NUDCD3: variants seen among roughly 807,000 people sequenced by gnomAD.
NUDCD3 encodes nudC domain-containing protein 3.
In NUDCD3, 13 loss-of-function variants were observed where a neutral mutation model predicts 39.7. That is an observed-to-expected ratio of 0.33 (90% CI 0.21 to 0.52). The LOEUF is 0.52. NUDCD3 is among the 20% of genes least tolerant of loss of function. The pLI, the probability that NUDCD3 is intolerant of heterozygous loss-of-function variation, is 0.96. For missense variants in NUDCD3, 453 were observed against 458.1 expected (o/e 0.99, Z 0.10); for synonymous variants, 175 against 172.4 (o/e 1.02, Z -0.12).
chr7:44,395,892 C>T (rs1005817296), intron 4 of NUDCD3, among the ~76,000 whole-genome samples: 8 of 152,174 alleles, frequency 5.3e-5, no homozygotes, highest in African/African-American at 1.9e-4. Context: ...GATGTACATA[C>T]ATCTGTTTGA....
chr7:44,422,302 A>C (rs929185052), intron 3 of NUDCD3, among the ~76,000 whole-genome samples: 1 of 152,222 alleles, frequency 6.6e-6, no homozygotes, highest in African/African-American at 2.4e-5. Flanking sequence ...GCAGAACTGA[A>C]GGAGATAGAG....
In NUDCD3 at chr7:44,435,178, T is replaced by C. The variant is rs186513306; in HGVS notation, c.510-7475A>G. Among the ~76,000 whole-genome samples the C allele has an allele frequency of 1.9e-4, 29 of 152,334 alleles. No individual in the cohort carries two copies. In the East Asian group the frequency reaches 4.8e-3, roughly 25 times the overall value. ...TTTATCAATACCTGATTGTTATCTG[T>C]TTAGCATCTACCACACTTTGGTCTT... On this transcript the variant is annotated intron_variant, in intron 2 of 5. Transcript: ENST00000355451.
At position 44,455,207 on chromosome 7, in the gene NUDCD3, G is replaced by A. The variant is rs1245532911; in HGVS notation, c.510-27504C>T. On this transcript the variant is annotated intron_variant, in intron 2 of 5. Coordinates refer to ENST00000355451, the MANE Select transcript of NUDCD3 (RefSeq NM_015332.4). ...TTTCAGACTACATTTCCAACTGTCT[G>A]CTGGTCACTTGCACTTACATCTCAG... is the stretch of plus-strand genomic sequence containing the variant. 2.6e-5 allele frequency among the ~76,000 whole-genome samples: 4 copies of A among 151,768 alleles called. No individual in the cohort carries two copies. In the South Asian group the frequency reaches 8.3e-4, roughly 32 times the overall value.
chr7:44,455,884 G>A (rs1417217089), intron 2 of NUDCD3, among the ~76,000 whole-genome samples: 1 of 150,576 alleles, frequency 6.6e-6, no homozygotes, highest in African/African-American at 2.4e-5. Flanking sequence ...AAATTAGCCG[G>A]GCGTAGTGGC....
At position 44,486,839 on chromosome 7, in the gene NUDCD3, C is replaced by T. The variant is rs80128525; in HGVS notation, c.193-1555G>A. 8.0e-3 allele frequency among the ~76,000 whole-genome samples: 1,216 copies of T among 152,316 alleles called. 9 individuals carry two copies. The highest frequency in any genetic ancestry group is 0.027 in the African/African-American group (1,131 of 41,564). On this transcript the variant is annotated intron_variant, in intron 1 of 5. Coordinates refer to ENST00000355451, the MANE Select transcript of NUDCD3 (RefSeq NM_015332.4). ...CAGCCTTCTCTGACCTACCCATTCACACCACCAGGAAGTGCTACCACTGCC... is the reference window on the plus strand; with the variant it reads ...CAGCCTTCTCTGACCTACCCATTCATACCACCAGGAAGTGCTACCACTGCC...
Position 44,385,958 on chromosome 7 carries a change from C to G in NUDCD3, c.*53G>C. On this transcript the variant is annotated 3_prime_UTR_variant, in exon 6 of 6. Transcript: ENST00000355451. ...AATGCAGGGAGCCAAGAAGGGCAGC[C>G]GAGGATAAGGCTCTGCCTCCCCACC... 1.1e-6 allele frequency: 1 copy of G among 908,246 alleles called. No individual in the cohort carries two copies. The highest frequency in any genetic ancestry group is 1.3e-5 in the South Asian group (1 of 76,160). 56.3% of individuals were successfully genotyped at this position (908,246 alleles called of 1,614,324 possible). A position where few individuals can be genotyped will look rare whatever the true frequency, so the allele number is the denominator to read the frequency against.
At chr7:44,400,270 G>C (rs897825606) in intron 4 of NUDCD3, among the ~76,000 whole-genome samples, 1 of 152,218 alleles carries the variant, frequency 6.6e-6, no homozygotes, top group Non-Finnish European at 1.5e-5. Flanking sequence ...AAGTGTGGGA[G>C]GGAGGGAGGG....
At chr7:44,445,318 G>C (rs1473104371) in intron 2 of NUDCD3, among the ~76,000 whole-genome samples, 4 of 152,182 alleles carry the variant, frequency 2.6e-5, no homozygotes, top group Non-Finnish European at 5.9e-5. Flanking sequence ...AGTTGCCCCA[G>C]TTTCTAAAGA....
chr7:44,404,558 G>C lies in NUDCD3; in HGVS notation c.668C>G (p.Ser223Cys). 1 of 1,613,948 alleles carries C rather than the reference G, an allele frequency of 6.2e-7. No individual in the cohort carries two copies. The highest frequency in any genetic ancestry group is 1.3e-5 in the African/African-American group (1 of 74,982). Reference sequence around the variant, plus strand: ...TTCCTCCAGCATGGCCACACGAATGGAGCTGCTGCTAAGGGCCACTGAGAC... The same window carrying C: ...TTCCTCCAGCATGGCCACACGAATGCAGCTGCTGCTAAGGGCCACTGAGAC... ...KQVSVALSSS[S>C]IRVAMLEENG... Residue 223 changes from serine to cysteine, a missense_variant, in exon 4 of 6, where the codon TCC becomes TGC. Transcript: ENST00000355451.
chr7:44,418,336 G>A (rs539085262), intron 3 of NUDCD3, among the ~76,000 whole-genome samples: 4 of 152,320 alleles, frequency 2.6e-5, no homozygotes, highest in Admixed American at 2.0e-4. Context: ...CGTGTTCCAG[G>A]ACAGTCTCTC....
chr7:44,460,310 TATAA>T (rs987106463), intron 2 of NUDCD3, among the ~76,000 whole-genome samples: 1 of 152,246 alleles, frequency 6.6e-6, no homozygotes, highest in Non-Finnish European at 1.5e-5. Context: ...GTAATCTTTC[TATAA>T]ATAAAGAAAT....
chr7:44,478,289 G>A (rs1800420468), intron 2 of NUDCD3, among the ~76,000 whole-genome samples: 1 of 152,148 alleles, frequency 6.6e-6, no homozygotes, highest in African/African-American at 2.4e-5. Flanking sequence ...GGTGGCTCAC[G>A]CCTGTAATTC....
intron 2 of NUDCD3, among the ~76,000 whole-genome samples, chr7:44,474,468 A>T (rs1181989928): frequency 6.6e-6 from 1 of 152,154 alleles, no homozygotes; most frequent in Non-Finnish European, 1.5e-5. Context: ...CTTCACCTGT[A>T]AAAAGGAAGC....
At chr7:44,398,397 G>C (rs1436912171) in intron 4 of NUDCD3, among the ~76,000 whole-genome samples, 2 of 152,130 alleles carry the variant, frequency 1.3e-5, no homozygotes, top group Non-Finnish European at 2.9e-5. Flanking sequence ...GTTGGTGGAG[G>C]TTGCTTGACT....
At chr7:44,407,265 G>GT (rs1032652570) in intron 3 of NUDCD3, among the ~76,000 whole-genome samples, 2 of 137,950 alleles carry the variant, frequency 1.4e-5, no homozygotes, top group African/African-American at 5.6e-5. Context: ...AAATATTTTT[G>GT]TATTAAAAAA....
rs550041137 is a variant in NUDCD3 at position 44,397,425 on chromosome 7, C to A, written c.787-4940G>T. 6.6e-5 allele frequency among the ~76,000 whole-genome samples: 10 copies of A among 152,300 alleles called. No homozygotes were observed. In the South Asian group the frequency reaches 2.1e-3, roughly 32 times the overall value. On this transcript the variant is annotated intron_variant, in intron 4 of 5. Transcript: ENST00000355451. Reference sequence around the variant, plus strand: ...TGTCCAGACTGACCACTCTGCTGCACCCCTACCAGTAGCACAGAAGAGCAC... The same window carrying A: ...TGTCCAGACTGACCACTCTGCTGCAACCCTACCAGTAGCACAGAAGAGCAC...
chr7:44,481,709 T>C (rs1800493601), intron 2 of NUDCD3, among the ~76,000 whole-genome samples: 1 of 152,206 alleles, frequency 6.6e-6, no homozygotes, highest in Non-Finnish European at 1.5e-5. Flanking sequence ...CTAATATAAG[T>C]AATGTTGGAA....
intron 3 of NUDCD3, among the ~76,000 whole-genome samples, chr7:44,407,566 CA>C (rs758475229): frequency 1.6e-3 from 79 of 48,416 alleles, no homozygotes; most frequent in South Asian, 4.3e-3. Flanking sequence ...AATTCTGTCT[CA>C]AAAAAAAAAA....
chr7:44,471,295 G>C (rs1800252277), intron 2 of NUDCD3, among the ~76,000 whole-genome samples: 1 of 152,316 alleles, frequency 6.6e-6, no homozygotes, highest in African/African-American at 2.4e-5. Context: ...CAATGAAAAT[G>C]CTATGTAAAT....
Sources: allele counts gnomAD v4.1 joint callset (sites outside exome capture counted in the v4.1 genomes callset), GRCh38; gene constraint gnomAD v4.1.1; transcripts MANE v1.5; gene names NCBI Gene and HGNC (gene_info 2026-07-23, HGNC 2026-07-21).